Variants in CSPP1 observed in about 807,000 individuals in gnomAD.
CSPP1 encodes the protein centrosome and spindle pole associated protein 1, also known as centrosome and spindle pole-associated protein 1.
A neutral mutation model predicts 164.4 loss-of-function variants in CSPP1; 126 were observed. The observed-to-expected ratio is 0.77, with a 90% CI of 0.66 to 0.89. The LOEUF is 0.89. Ranked by LOEUF, CSPP1 falls within the 40% of genes least tolerant of loss-of-function variation. The probability of loss-of-function intolerance (pLI) is 0.00; values close to 1 mark genes in which losing one functional copy is unlikely to be tolerated. For synonymous variants in CSPP1, 472 were observed against 476.7 expected (o/e 0.99, Z 0.13); for missense variants, 1,395 against 1,449.8 (o/e 0.96, Z 0.61).
rs73693133 is a variant in CSPP1 at position 67,190,997 on chromosome 8, T to G, written c.3330+238T>G. On this transcript the variant is annotated intron_variant, in intron 29 of 30. Transcript: ENST00000678616. ...TCCTGGGGTGGCTGTAAGTAGCTCCTCATCCCAACCTTCCTTCTTCTCCTG... is the reference window on the plus strand; with the variant it reads ...TCCTGGGGTGGCTGTAAGTAGCTCCGCATCCCAACCTTCCTTCTTCTCCTG... Among the ~76,000 whole-genome samples, 18,893 of 152,116 alleles carry G rather than the reference T, an allele frequency of 0.12. 2,298 individuals are homozygous for G. Among genetic ancestry groups the G allele is most frequent in the African/African-American group, 0.32 (13,061 of 41,416 alleles).
chr8:67,120,519 TC>T (rs1818768041), intron 15 of CSPP1, among the ~76,000 whole-genome samples: 1 of 152,224 alleles, frequency 6.6e-6, no homozygotes, highest in Non-Finnish European at 1.5e-5. Flanking sequence ...TTTATTTATG[TC>T]TTTTAAAATT....
intron 13 of CSPP1, among the ~76,000 whole-genome samples, chr8:67,117,735 C>G (rs894747907): frequency 6.6e-6 from 1 of 152,174 alleles, no homozygotes; most frequent in African/African-American, 2.4e-5. Context: ...CAAGCTCACT[C>G]CAGTAGCATG....
At chr8:67,128,195 ATTGT>A (rs1322654316) in intron 15 of CSPP1, among the ~76,000 whole-genome samples, 1 of 152,206 alleles carries the variant, frequency 6.6e-6, no homozygotes, top group Non-Finnish European at 1.5e-5. Context: ...GAATTGGGAA[ATTGT>A]TTTATTAACT....
At chr8:67,134,404 A>G (rs1261376852) in intron 16 of CSPP1, 1 of 149,556 alleles carries the variant, frequency 6.7e-6, no homozygotes, top group Non-Finnish European at 1.5e-5. Flanking sequence ...ATGAGCAGTA[A>G]TATTTTGAAA....
At chr8:67,180,531 C>A (rs1832763250) in intron 28 of CSPP1, among the ~76,000 whole-genome samples, 1 of 152,022 alleles carries the variant, frequency 6.6e-6, no homozygotes, top group Non-Finnish European at 1.5e-5. Flanking sequence ...TAGATACATA[C>A]ATGTAAATGG....
At chr8:67,154,389 G>T in intron 19 of CSPP1, among the ~76,000 whole-genome samples, 1 of 150,992 alleles carries the variant, frequency 6.6e-6, no homozygotes, top group East Asian at 1.9e-4. Flanking sequence ...TTTTTGAGAC[G>T]GAGTCTTGCT....
rs922942784 is a variant in CSPP1 at position 67,091,029 on chromosome 8, A to AT, written c.304-764dup. Among the ~76,000 whole-genome samples the AT allele has an allele frequency of 2.0e-4, 30 of 150,294 alleles. 1 individual carries two copies. Among genetic ancestry groups the AT allele is most frequent in the South Asian group, 1.3e-3 (6 of 4,744 alleles). On this transcript the variant is annotated intron_variant, in intron 4 of 30. Transcript: ENST00000678616. Reference sequence around the variant, plus strand: ...TTTTTACCAATTGGGGATCATGTGTATTTTTTTTTTCCAGTTCTTTGTATT... The same window carrying AT: ...TTTTTACCAATTGGGGATCATGTGTATTTTTTTTTTTCCAGTTCTTTGTATT...
At chr8:67,190,267 T>C (rs1835844789) in intron 28 of CSPP1, among the ~76,000 whole-genome samples, 1 of 152,172 alleles carries the variant, frequency 6.6e-6, no homozygotes, top group Non-Finnish European at 1.5e-5. Context: ...AACTTAAACA[T>C]GGCACAGCAT....
chr8:67,142,745 C>T (rs1823752739), intron 17 of CSPP1, among the ~76,000 whole-genome samples: 1 of 152,152 alleles, frequency 6.6e-6, no homozygotes, highest in South Asian at 2.1e-4. Context: ...CCAGAACATT[C>T]TCCAATTTTG....
intron 16 of CSPP1, among the ~76,000 whole-genome samples, chr8:67,136,429 C>T (rs1177963969): frequency 6.6e-6 from 1 of 151,738 alleles, no homozygotes; most frequent in African/African-American, 2.4e-5. Context: ...AATAACTGGG[C>T]GTGGTGGCAG....
At chr8:67,172,388 C>A (rs2129567217) in intron 24 of CSPP1, 28 bp from the exon 25 acceptor site, 1 of 1,584,626 alleles carries the variant, frequency 6.3e-7, no homozygotes, top group Non-Finnish European at 8.6e-7. Context: ...CTGTGAAGCA[C>A]ATATTATGAT....
At chr8:67,111,891 TG>T (rs1370863496) in intron 9 of CSPP1, 80 bp from the exon 10 acceptor site, 1 of 749,196 alleles carries the variant, frequency 1.3e-6, no homozygotes, top group Admixed American at 2.6e-5. Flanking sequence ...ACAATTAAGA[TG>T]GAGTTTTTAA....
intron 24 of CSPP1, among the ~76,000 whole-genome samples, chr8:67,164,956 A>G (rs886168740): frequency 2.6e-5 from 4 of 152,126 alleles, no homozygotes; most frequent in African/African-American, 9.7e-5. Context: ...TCTTTTTAAA[A>G]ATAAACTTTC....
chr8:67,195,720 T>A lies in CSPP1; in HGVS notation c.*127T>A. The A allele has an allele frequency of 2.9e-6, 2 of 680,950 alleles. No individual in the cohort carries two copies. Among genetic ancestry groups the A allele is most frequent in the Non-Finnish European group, 5.0e-6 (2 of 396,214 alleles). 42.2% of individuals were successfully genotyped at this position (680,950 alleles called of 1,614,324 possible). ...TTTTTTCCATCATCTGTATATAAAA[T>A]TATTTTTATCATGATGTATATTATG... On this transcript the variant is annotated 3_prime_UTR_variant, in exon 31 of 31. Coordinates refer to ENST00000678616, the MANE Select transcript of CSPP1 (RefSeq NM_001382391.1).
chr8:67,188,654 T>C (rs1835345597), intron 28 of CSPP1, among the ~76,000 whole-genome samples: 1 of 152,218 alleles, frequency 6.6e-6, no homozygotes, highest in African/African-American at 2.4e-5. Flanking sequence ...TTTCGCTTGC[T>C]GTCCACCAGT....
intron 1 of CSPP1, among the ~76,000 whole-genome samples, chr8:67,073,704 G>A (rs1292793254): frequency 6.6e-6 from 1 of 152,100 alleles, no homozygotes; most frequent in Non-Finnish European, 1.5e-5. Context: ...GAGCTTAGGG[G>A]CAAAGGGCTA....
At chr8:67,071,875 T>TA (rs776256335) in intron 1 of CSPP1, among the ~76,000 whole-genome samples, 18 of 150,154 alleles carry the variant, frequency 1.2e-4, no homozygotes, top group South Asian at 6.2e-4. Flanking sequence ...CCTTGACACT[T>TA]ACAGATTTGC....
chr8:67,081,457 A>T (rs929961408), intron 3 of CSPP1, among the ~76,000 whole-genome samples: 2 of 152,184 alleles, frequency 1.3e-5, no homozygotes, highest in Non-Finnish European at 2.9e-5. Flanking sequence ...TGTCTTTAAT[A>T]AGGAGTTTGT....
At chr8:67,095,234 C>T (rs1812506064) in intron 6 of CSPP1, 59 bp from the exon 7 acceptor site, 9 of 1,095,732 alleles carry the variant, frequency 8.2e-6, no homozygotes, top group Non-Finnish European at 1.2e-5. Context: ...GGTTTAATTA[C>T]CTTATAAGAG....
Sources: allele counts gnomAD v4.1 joint callset (sites outside exome capture counted in the v4.1 genomes callset), GRCh38; gene constraint gnomAD v4.1.1; transcripts MANE v1.5; gene names NCBI Gene and HGNC (gene_info 2026-07-23, HGNC 2026-07-21).